UNC5D: variants seen among roughly 807,000 people sequenced by gnomAD.
UNC5D encodes the protein netrin receptor UNC5D.
A neutral mutation model predicts 105.4 loss-of-function variants in UNC5D; 39 were observed. The observed-to-expected ratio is 0.37, with a 90% CI of 0.29 to 0.48. UNC5D has a LOEUF of 0.48. Ranked by LOEUF, UNC5D falls within the 20% of genes least tolerant of loss-of-function variation. UNC5D has a pLI of 0.98. For synonymous variants in UNC5D, 452 were observed against 450.4 expected (o/e 1.00, Z -0.04); for missense variants, 991 against 1,202.4 (o/e 0.82, Z 2.60).
chr8:35,592,818 C>T (rs1453786809), intron 3 of UNC5D, among the ~76,000 whole-genome samples: 1 of 152,076 alleles, frequency 6.6e-6, no homozygotes, highest in African/African-American at 2.4e-5. Flanking sequence ...TCCCTGTCCC[C>T]CAGTCATTGC....
At chr8:35,290,756 C>T (rs1053704395) in intron 1 of UNC5D, among the ~76,000 whole-genome samples, 33 of 152,156 alleles carry the variant, frequency 2.2e-4, no homozygotes, top group African/African-American at 7.9e-4. Context: ...GGATACCAGC[C>T]TGACCAACGT....
chr8:35,480,513 AGAT>A (rs964464393), intron 1 of UNC5D, among the ~76,000 whole-genome samples: 1 of 152,204 alleles, frequency 6.6e-6, no homozygotes, highest in African/African-American at 2.4e-5. Flanking sequence ...CAGAAAGAGA[AGAT>A]GATATGTTTT....
intron 11 of UNC5D, among the ~76,000 whole-genome samples, chr8:35,741,099 A>G (rs1475506762): frequency 6.6e-6 from 1 of 152,184 alleles, no homozygotes; most frequent in Non-Finnish European, 1.5e-5. Flanking sequence ...GGCAAGCTAA[A>G]TGCAAGCCTG....
intron 4 of UNC5D, among the ~76,000 whole-genome samples, chr8:35,598,693 G>A (rs1458311430): frequency 6.6e-6 from 1 of 152,164 alleles, no homozygotes; most frequent in African/African-American, 2.4e-5. Flanking sequence ...TTAAAAATGT[G>A]TTATGCACAC....
intron 1 of UNC5D, among the ~76,000 whole-genome samples, chr8:35,370,452 A>C (rs1052515889): frequency 6.6e-6 from 1 of 152,206 alleles, no homozygotes; most frequent in Non-Finnish European, 1.5e-5. Context: ...TTGTCAATGT[A>C]ATTGTGTCTA....
At chr8:35,572,599 T>G (rs1288921698) in intron 3 of UNC5D, among the ~76,000 whole-genome samples, 1 of 152,156 alleles carries the variant, frequency 6.6e-6, no homozygotes, top group Non-Finnish European at 1.5e-5. Flanking sequence ...GCTTTCAGAT[T>G]GAGACTGGAG....
At chr8:35,353,124 A>G (rs1424521484) in intron 1 of UNC5D, among the ~76,000 whole-genome samples, 3 of 152,184 alleles carry the variant, frequency 2.0e-5, no homozygotes, top group African/African-American at 4.8e-5. Context: ...CAAAAGACCA[A>G]CGGAACTTAG....
At position 35,699,717 on chromosome 8, in the gene UNC5D, G is replaced by A. The variant is rs115406882; in HGVS notation, c.1085-6212G>A. On this transcript the variant is annotated intron_variant, in intron 7 of 16. Coordinates refer to ENST00000404895, the MANE Select transcript of UNC5D (RefSeq NM_080872.4). ...GATCTTGTGATGTCTATACAGGCTG[G>A]GAAGCTGGGGGGAGTAGGGTTGAAG... Among the ~76,000 whole-genome samples, 973 of 152,234 alleles carry A rather than the reference G, an allele frequency of 6.4e-3. 11 individuals are homozygous for A. The highest frequency in any genetic ancestry group is 0.022 in the African/African-American group (930 of 41,546).
At chr8:35,580,710 A>G (rs1203154297) in intron 3 of UNC5D, among the ~76,000 whole-genome samples, 1 of 152,190 alleles carries the variant, frequency 6.6e-6, no homozygotes, top group Non-Finnish European at 1.5e-5. Flanking sequence ...CTTGAACAAA[A>G]CAATGTAATG....
At chr8:35,401,418 A>G (rs1311929760) in intron 1 of UNC5D, among the ~76,000 whole-genome samples, 1 of 152,182 alleles carries the variant, frequency 6.6e-6, no homozygotes, top group Admixed American at 6.5e-5. Context: ...TGGGTGGCAG[A>G]GGTTGCAGTG....
chr8:35,739,248 C>G (rs967223418), intron 11 of UNC5D, among the ~76,000 whole-genome samples: 1 of 152,126 alleles, frequency 6.6e-6, no homozygotes, highest in Non-Finnish European at 1.5e-5. Context: ...GATTTCTTCA[C>G]AGAGTCATTT....
At chr8:35,454,822 C>T (rs764775997) in intron 1 of UNC5D, among the ~76,000 whole-genome samples, 1 of 152,212 alleles carries the variant, frequency 6.6e-6, no homozygotes, top group Non-Finnish European at 1.5e-5. Flanking sequence ...ATTCACAGAA[C>T]CTGAGGGTAA....
At chr8:35,760,277 A>G (rs1445123606) in intron 14 of UNC5D, among the ~76,000 whole-genome samples, 1 of 152,022 alleles carries the variant, frequency 6.6e-6, no homozygotes, top group Non-Finnish European at 1.5e-5. Context: ...TCCTGACCTC[A>G]GGTGATCCGC....
intron 14 of UNC5D, among the ~76,000 whole-genome samples, chr8:35,764,684 G>C (rs1484575400): frequency 6.6e-6 from 1 of 152,196 alleles, no homozygotes; most frequent in Non-Finnish European, 1.5e-5. Context: ...TTAGAAGAAA[G>C]TGGGAAAGCA....
intron 1 of UNC5D, among the ~76,000 whole-genome samples, chr8:35,291,310 A>G (rs1807049932): frequency 6.6e-6 from 1 of 152,228 alleles, no homozygotes; most frequent in Admixed American, 6.5e-5. Context: ...CTTACATCAG[A>G]CAAAATAGAA....
intron 4 of UNC5D, among the ~76,000 whole-genome samples, chr8:35,673,842 A>G (rs902342250): frequency 3.3e-5 from 5 of 152,206 alleles, no homozygotes; most frequent in African/African-American, 1.2e-4. Flanking sequence ...AGATCCAGTC[A>G]GTCTTCTTAA....
intron 1 of UNC5D, among the ~76,000 whole-genome samples, chr8:35,253,473 CTTTTT>C (rs58063448): frequency 8.0e-5 from 8 of 99,826 alleles, no homozygotes; most frequent in African/African-American, 2.7e-4. Context: ...ATTTTATTTC[CTTTTT>C]TTTTTTTTTT....
chr8:35,372,586 A>G (rs941467042), intron 1 of UNC5D, among the ~76,000 whole-genome samples: 9 of 150,640 alleles, frequency 6.0e-5, no homozygotes, highest in African/African-American at 2.0e-4. Context: ...AATAGGCCAA[A>G]TGCTCTAATA....
intron 11 of UNC5D, among the ~76,000 whole-genome samples, chr8:35,734,480 G>A (rs752284029): frequency 6.6e-6 from 1 of 151,860 alleles, no homozygotes; most frequent in East Asian, 2.0e-4. Flanking sequence ...GCGTGATCTC[G>A]ACTCACTGCA....
Sources: allele counts gnomAD v4.1 joint callset (sites outside exome capture counted in the v4.1 genomes callset), GRCh38; gene constraint gnomAD v4.1.1; transcripts MANE v1.5; gene names NCBI Gene and HGNC (gene_info 2026-07-23, HGNC 2026-07-21).